The following SYNJ2 variants were observed in gnomAD, a reference collection of about 807,000 sequenced individuals.
SYNJ2 encodes polyphosphatidylinositol phosphatase SYNJ2.
In SYNJ2, 116 loss-of-function variants were observed where a neutral mutation model predicts 141.3. The observed-to-expected ratio is 0.82, with a 90% CI of 0.71 to 0.96. SYNJ2 has a LOEUF of 0.96. Ranked by LOEUF, SYNJ2 falls within the 40% of genes least tolerant of loss-of-function variation. SYNJ2 has a pLI of 0.00. For synonymous variants in SYNJ2, 745 were observed against 777.7 expected (o/e 0.96, Z 0.70); for missense variants, 1,873 against 1,934.8 (o/e 0.97, Z 0.60).
chr6:158,027,211 G>A lies in SYNJ2; in HGVS notation c.215-1545G>A. 2.0e-6 allele frequency: 2 copies of A among 985,074 alleles called. No homozygotes were observed. Among genetic ancestry groups the A allele is most frequent in the South Asian group, 9.4e-5 (2 of 21,272 alleles). The allele number at this position is 985,074 out of a possible 1,614,324, so 61.0% of individuals were successfully genotyped here. On this transcript the variant is annotated intron_variant, in intron 2 of 26. Coordinates refer to ENST00000355585, the MANE Select transcript of SYNJ2 (RefSeq NM_003898.4). The surrounding 1 kb of genome is among the most constrained non-coding windows in gnomAD (Gnocchi z 4.6). ...GGGTGGTGGAACTGGTTGTTTTGGG[G>A]GTCTCTTCCTGGAGTGTGGAGAGAT...
intron 5 of SYNJ2, among the ~76,000 whole-genome samples, chr6:158,049,483 A>G (rs1191107322): frequency 2.0e-5 from 3 of 152,206 alleles, no homozygotes; most frequent in African/African-American, 7.2e-5. Context: ...CGGAGAGAAC[A>G]TGAGGCCCAG....
chr6:158,008,827 C>T (rs1367294376), intron 1 of SYNJ2, among the ~76,000 whole-genome samples: 2 of 152,172 alleles, frequency 1.3e-5, no homozygotes, highest in East Asian at 1.9e-4. Flanking sequence ...CTCCTTGTTC[C>T]TCTAGAGTCA....
At chr6:158,095,485 A>G in intron 26 of SYNJ2, 133 bp from the exon 27 acceptor site, 1 of 1,221,918 alleles carries the variant, frequency 8.2e-7, no homozygotes, top group Middle Eastern at 2.0e-4. Flanking sequence ...CACCCCACAC[A>G]TTCTCAAATC....
chr6:157,985,736 C>T (rs919295263), intron 1 of SYNJ2, among the ~76,000 whole-genome samples: 3 of 152,168 alleles, frequency 2.0e-5, no homozygotes, highest in Admixed American at 1.3e-4. Context: ...TGAGGGTGTC[C>T]CTGTGTTTAC....
chr6:158,013,408 A>G (rs2128325909), intron 1 of SYNJ2, among the ~76,000 whole-genome samples: 1 of 152,212 alleles, frequency 6.6e-6, no homozygotes, highest in Non-Finnish European at 1.5e-5. Context: ...TTTGAGAACA[A>G]TTTTGTATAC....
At chr6:158,013,959 G>A (rs9295279) in intron 1 of SYNJ2, among the ~76,000 whole-genome samples, 1 of 151,584 alleles carries the variant, frequency 6.6e-6, no homozygotes, top group African/African-American at 2.4e-5. Flanking sequence ...GAGTGTTAAC[G>A]AATCAACACT....
chr6:157,985,211 G>T (rs1210830695), intron 1 of SYNJ2, among the ~76,000 whole-genome samples: 1 of 152,170 alleles, frequency 6.6e-6, no homozygotes, highest in African/African-American at 2.4e-5. Context: ...TCCATGATTC[G>T]TTGATTGCTG....
chr6:158,076,174 CGAGACCCCAGGGGGAGAGAGAGAGGA>C (rs1189946166), intron 16 of SYNJ2, among the ~76,000 whole-genome samples: 1 of 152,094 alleles, frequency 6.6e-6, no homozygotes, highest in Non-Finnish European at 1.5e-5. Flanking sequence ...AGCAAAAGAG[CGAGACCCCAGGGGGAGAGAGAGAGGA>C]GAGCTGACTT....
chr6:158,015,351 T>C (rs1778413067), intron 1 of SYNJ2, among the ~76,000 whole-genome samples: 2 of 152,226 alleles, frequency 1.3e-5, no homozygotes, highest in Non-Finnish European at 2.9e-5. Context: ...GCTGCCCCTT[T>C]TCTTACCTCC....
chr6:157,997,378 G>A (rs377220994), intron 1 of SYNJ2, among the ~76,000 whole-genome samples: 75 of 152,244 alleles, frequency 4.9e-4, no homozygotes, highest in East Asian at 4.8e-3. Context: ...TGTGACTGGC[G>A]TGCTTATAAG....
In SYNJ2 at chr6:158,088,034, A is replaced by ATTTTTTTTTTT. The variant is rs568222551; in HGVS notation, c.3344-592_3344-582dup. Among the ~76,000 whole-genome samples the ATTTTTTTTTTT allele has an allele frequency of 2.2e-4, 7 of 31,918 alleles. 1 individual carries two copies. The highest frequency in any genetic ancestry group is 3.4e-3 in the East Asian group (2 of 590). The allele number at this position is 31,918 out of a possible 152,430, so 20.9% of individuals were successfully genotyped here. A position where few individuals can be genotyped will look rare whatever the true frequency, so the allele number is the denominator to read the frequency against. Reference sequence around the variant, plus strand: ...TAACAGTTTATTCCCCTGCTTTGGAATTTTTTTTTTTTTTTTTTTTTTTTT... The same window carrying ATTTTTTTTTTT: ...TAACAGTTTATTCCCCTGCTTTGGAATTTTTTTTTTTTTTTTTTTTTTTTTTTTTTTTTTTT... On this transcript the variant is annotated intron_variant, in intron 23 of 26. Transcript: ENST00000355585.
chr6:158,025,142 A>G (rs1234268135), intron 2 of SYNJ2, among the ~76,000 whole-genome samples: 2 of 152,142 alleles, frequency 1.3e-5, no homozygotes, highest in Admixed American at 6.5e-5. Context: ...GCCGGCTGTG[A>G]GGACCTGCTT....
intron 18 of SYNJ2, 64 bp downstream of exon 18, chr6:158,078,345 A>G (rs1049475876): frequency 9.3e-6 from 10 of 1,078,130 alleles, no homozygotes; most frequent in Non-Finnish European, 1.3e-5. Flanking sequence ...CCCTCTCCGC[A>G]GGAAAATGCA....
At position 158,055,009 on chromosome 6, in the gene SYNJ2, A is replaced by G. The variant is rs745485407; in HGVS notation, c.838A>G (p.Asn280Asp). The stretch of plus-strand genomic sequence containing the variant: ...GAGACTCCACAGAGGCCTGGAAGCC[A>G]ATGCCCCTGCTTTCGACAGGTAGGG... Reference protein sequence around the residue: ...HLRLHRGLEANAPAFDRHMVL... With the variant: ...HLRLHRGLEADAPAFDRHMVL... Residue 280 changes from asparagine to aspartate, a missense_variant, in exon 6 of 27, where the codon AAT (asparagine) becomes GAT (aspartate). Transcript: ENST00000355585. 6.2e-7 allele frequency: 1 copy of G among 1,614,020 alleles called. No homozygotes were observed. Among genetic ancestry groups the G allele is most frequent in the South Asian group, 1.1e-5 (1 of 91,070 alleles).
intron 1 of SYNJ2, among the ~76,000 whole-genome samples, chr6:157,993,768 C>T (rs562983630): frequency 4.7e-4 from 25 of 53,612 alleles, no homozygotes; most frequent in Admixed American, 1.3e-3. Flanking sequence ...GCTAGGGAGG[C>T]GGGAGTTTGT....
In SYNJ2 at chr6:157,982,117, C is replaced by T; in HGVS notation, c.127+29C>T. ...AGTCCGGGCCGGGGGCAGCGACGCC[C>T]GGAGGAGAGGGCGCCCGCATTCGCC... On this transcript the variant is annotated intron_variant, in intron 1 of 26. Transcript: ENST00000355585. This position sits in a 1 kb window ranked among gnomAD's most constrained non-coding sequence, Gnocchi z 4.0. 3.1e-6 allele frequency: 4 copies of T among 1,293,118 alleles called. No individual in the cohort carries two copies. The highest frequency in any genetic ancestry group is 2.2e-5 in the South Asian group (1 of 45,326). 80.1% of individuals were successfully genotyped at this position (1,293,118 alleles called of 1,614,324 possible).
rs1008707735 is a variant in SYNJ2, at chr6:158,059,792, T to G, written c.954+439T>G. On this transcript the variant is annotated intron_variant, in intron 7 of 26. Coordinates refer to ENST00000355585, the MANE Select transcript of SYNJ2 (RefSeq NM_003898.4). ...TTGGTCAAGAACTCCTGACCTCAGG[T>G]GATCCACCCGCCTCGGCCTCCCAAA... Among the ~76,000 whole-genome samples, 47 of 152,172 alleles carry G rather than the reference T, an allele frequency of 3.1e-4. 2 individuals are homozygous for G. The highest frequency in any genetic ancestry group is 1.5e-5 in the Non-Finnish European group (1 of 68,006).
rs1181429740 is a variant in SYNJ2, at chr6:158,074,540, C to T, written c.2134-40C>T. The T allele has an allele frequency of 2.5e-6, 4 of 1,593,110 alleles. No individual in the cohort carries two copies. The South Asian group carries it at 4.6e-5, about 18-fold the overall frequency. ...TTTCTCCTCTCTCCCACCTTCCTTGCAAGATGGGCTGAATGATTATGATTT... is the reference window on the plus strand; with the variant it reads ...TTTCTCCTCTCTCCCACCTTCCTTGTAAGATGGGCTGAATGATTATGATTT... On this transcript the variant is annotated intron_variant, in intron 15 of 26. Transcript: ENST00000355585.
intron 1 of SYNJ2, among the ~76,000 whole-genome samples, chr6:157,992,408 T>TTC (rs1777477906): frequency 6.7e-6 from 1 of 149,438 alleles, no homozygotes; most frequent in Non-Finnish European, 1.5e-5. Context: ...TTTCTTTTTT[T>TTC]TTTTTTTTTT....
Sources: allele counts gnomAD v4.1 joint callset (sites outside exome capture counted in the v4.1 genomes callset), GRCh38; gene constraint gnomAD v4.1.1; non-coding constraint Gnocchi (gnomAD v3.1); transcripts MANE v1.5; gene names NCBI Gene and HGNC (gene_info 2026-07-23, HGNC 2026-07-21).